Variants in ERGIC1 observed in about 807,000 individuals in gnomAD.
The protein encoded by ERGIC1 is endoplasmic reticulum-Golgi intermediate compartment protein 1.
In ERGIC1, 19 loss-of-function variants were observed where a neutral mutation model predicts 38.3. The observed-to-expected ratio is 0.50, with a 90% CI of 0.35 to 0.73. The LOEUF (loss-of-function observed/expected upper bound fraction) is 0.73, where lower values mean the gene tolerates loss of function less well. ERGIC1 is among the 30% of genes least tolerant of loss of function. ERGIC1 has a pLI of 0.01. For synonymous variants in ERGIC1, 124 were observed against 157.6 expected, an observed-to-expected ratio of 0.79 and a Z score of 1.60; for missense variants, 294 against 389.2, an observed-to-expected ratio of 0.76 and a Z score of 2.06.
intron 4 of ERGIC1, among the ~76,000 whole-genome samples, chr5:172,914,234 C>CAAAAAAAAA (rs35584191): frequency 4.9e-5 from 5 of 102,176 alleles, no homozygotes; most frequent in African/African-American, 1.3e-4. Context: ...GACTCTGTCT[C>CAAAAAAAAA]AAAAAAAAAA....
Position 172,846,201 on chromosome 5 carries a change from C to T in ERGIC1, c.20+11768C>T, listed in dbSNP as rs902944609. Among the ~76,000 whole-genome samples, 2 of 152,210 alleles carry T rather than the reference C, an allele frequency of 1.3e-5. No individual in the cohort carries two copies. Among genetic ancestry groups the T allele is most frequent in the African/African-American group, 4.8e-5 (2 of 41,468 alleles). On this transcript the variant is annotated intron_variant, in intron 1 of 9. Transcript: ENST00000393784. The surrounding 1 kb of genome is among the most constrained non-coding windows in gnomAD (Gnocchi z 4.0). ...GTTGGTGGTCTTTCTCCCCCTCCCC[C>T]AATCCCCTGCACCCATCATTCCTGT...
intron 7 of ERGIC1, among the ~76,000 whole-genome samples, chr5:172,928,344 C>T (rs566868213): frequency 6.6e-6 from 1 of 152,346 alleles, no homozygotes; most frequent in East Asian, 1.9e-4. Context: ...TTTATTTCCT[C>T]AGCTCCCAAG....
At chr5:172,878,983 C>T (rs1762216591) in intron 1 of ERGIC1, among the ~76,000 whole-genome samples, 1 of 152,174 alleles carries the variant, frequency 6.6e-6, no homozygotes, top group African/African-American at 2.4e-5. Flanking sequence ...CTAAAAGCCT[C>T]GATGGCTATT....
At chr5:172,866,849 C>A in intron 1 of ERGIC1, 1 of 302,800 alleles carries the variant, frequency 3.3e-6, no homozygotes, top group Non-Finnish European at 6.5e-6. Context: ...TGGAGGTTTT[C>A]TTGACTCTAG....
intron 4 of ERGIC1, 46 bp downstream of exon 4, chr5:172,909,807 G>C (rs1349584980): frequency 6.6e-7 from 1 of 1,521,538 alleles, no homozygotes; most frequent in Non-Finnish European, 9.1e-7. Context: ...CACCTCCTTA[G>C]GGCAAATGTG....
chr5:172,883,272 G>C (rs1226605784), intron 1 of ERGIC1, among the ~76,000 whole-genome samples: 1 of 152,162 alleles, frequency 6.6e-6, no homozygotes, highest in African/African-American at 2.4e-5. Flanking sequence ...ACAATACCAT[G>C]ATTAAGAGCA....
intron 4 of ERGIC1, among the ~76,000 whole-genome samples, chr5:172,912,299 G>A (rs1763226134): frequency 6.6e-6 from 1 of 152,154 alleles, no homozygotes; most frequent in Non-Finnish European, 1.5e-5. Context: ...AGGCTCTGCT[G>A]TTTCCTAGTG....
At chr5:172,890,775 CT>C in intron 2 of ERGIC1, among the ~76,000 whole-genome samples, 1 of 152,348 alleles carries the variant, frequency 6.6e-6, no homozygotes, top group South Asian at 2.1e-4. Context: ...AACTGCCCCC[CT>C]GATGGTCCCA....
chr5:172,865,914 A>G (rs1761849905), intron 1 of ERGIC1, among the ~76,000 whole-genome samples: 1 of 152,202 alleles, frequency 6.6e-6, no homozygotes, highest in South Asian at 2.1e-4. Flanking sequence ...CTGAGAAGCA[A>G]ACCTTAAGCC....
At chr5:172,877,323 T>C (rs1324418078) in intron 1 of ERGIC1, among the ~76,000 whole-genome samples, 1 of 152,002 alleles carries the variant, frequency 6.6e-6, no homozygotes, top group Non-Finnish European at 1.5e-5. Flanking sequence ...ACTTTTGCTT[T>C]CATGTCTTCT....
At chr5:172,902,416 G>A (rs899358398) in intron 3 of ERGIC1, among the ~76,000 whole-genome samples, 1 of 152,250 alleles carries the variant, frequency 6.6e-6, no homozygotes, top group African/African-American at 2.4e-5. Flanking sequence ...TAAGGAGCAT[G>A]AAGGACATTG....
chr5:172,855,703 C>G (rs1761532165), intron 1 of ERGIC1, among the ~76,000 whole-genome samples: 1 of 152,154 alleles, frequency 6.6e-6, no homozygotes. Context: ...CCAGGCCCGT[C>G]CAGCACGTGG....
At chr5:172,847,152 G>A (rs1026822049) in intron 1 of ERGIC1, among the ~76,000 whole-genome samples, 6 of 152,136 alleles carry the variant, frequency 3.9e-5, no homozygotes, top group Non-Finnish European at 7.3e-5. Context: ...GACTCCTTGC[G>A]TCTTCTGGCT....
At chr5:172,859,430 AT>A (rs1382230970) in intron 1 of ERGIC1, among the ~76,000 whole-genome samples, 1 of 151,770 alleles carries the variant, frequency 6.6e-6, no homozygotes, top group East Asian at 1.9e-4. Flanking sequence ...GGAAAAGGCC[AT>A]ATTCCATCCT....
intron 1 of ERGIC1, among the ~76,000 whole-genome samples, chr5:172,844,895 G>T (rs1238466680): frequency 6.6e-6 from 1 of 152,172 alleles, no homozygotes; most frequent in Non-Finnish European, 1.5e-5. Flanking sequence ...ACTTCCCAGG[G>T]CTATGCTGTG....
intron 1 of ERGIC1, among the ~76,000 whole-genome samples, chr5:172,851,200 CAAAAAA>C (rs34437961): frequency 1.0e-5 from 1 of 96,642 alleles, no homozygotes. Flanking sequence ...GACTCTGTCT[CAAAAAA>C]AAAAAAAAAA....
In ERGIC1 at chr5:172,914,979, C is replaced by T. The variant is rs758040135; in HGVS notation, c.375+141C>T. The T allele has an allele frequency of 2.7e-5, 36 of 1,329,108 alleles. No individual in the cohort carries two copies. The South Asian group carries it at 4.5e-4, about 17-fold the overall frequency. 82.3% of individuals were successfully genotyped at this position (1,329,108 alleles called of 1,614,324 possible). ...CAAGCGAGGGTTCGTGTCCAGCTGCCTGGCCGTTCCTGCTGAGAATCTGGA... is the reference window on the plus strand; with the variant it reads ...CAAGCGAGGGTTCGTGTCCAGCTGCTTGGCCGTTCCTGCTGAGAATCTGGA... On this transcript the variant is annotated intron_variant, in intron 5 of 9. Coordinates refer to ENST00000393784, the MANE Select transcript of ERGIC1 (RefSeq NM_001031711.3).
intron 1 of ERGIC1, among the ~76,000 whole-genome samples, chr5:172,866,185 T>C (rs992483676): frequency 1.3e-5 from 2 of 151,976 alleles, no homozygotes; most frequent in Non-Finnish European, 2.9e-5. Context: ...GCTCTAGAGG[T>C]CAAGACAGTT....
At position 172,894,602 on chromosome 5, in the gene ERGIC1, G is replaced by C. The variant is rs763452529; in HGVS notation, c.83-2400G>C. Among the ~76,000 whole-genome samples, 6 of 152,264 alleles carry C rather than the reference G, an allele frequency of 3.9e-5. No homozygotes were observed. In the South Asian group the frequency reaches 1.0e-3, roughly 26 times the overall value. ...TCTGGGGACATCCTGCCCTTCACTC[G>C]GAGCCTAAGTTCTTGAGGTTCCTTT... On this transcript the variant is annotated intron_variant, in intron 2 of 9. Transcript: ENST00000393784.
Sources: gnomAD v4.1 joint callset for allele counts (sites outside exome capture counted in the v4.1 genomes callset) on GRCh38, gnomAD v4.1.1 for gene constraint, Gnocchi (gnomAD v3.1) non-coding constraint, MANE v1.5 for transcripts, NCBI Gene and HGNC (gene_info 2026-07-23, HGNC 2026-07-21) for gene names.